Variants in ANKRD30BL observed in about 807,000 individuals in gnomAD.
The protein encoded by ANKRD30BL is putative ankyrin repeat domain-containing protein 30B-like.
A neutral mutation model predicts 18.4 loss-of-function variants in ANKRD30BL; 20 were observed. The observed-to-expected ratio is 1.09, with a 90% CI of 0.77 to 1.58. The LOEUF (loss-of-function observed/expected upper bound fraction) is 1.58, where lower values mean the gene tolerates loss of function less well. Ranked by LOEUF, ANKRD30BL falls within the 40% of genes most tolerant of loss-of-function variation. ANKRD30BL has a pLI of 0.00. For synonymous variants in ANKRD30BL, 72 were observed against 100.9 expected (o/e 0.71, Z 1.72); for missense variants, 224 against 268.6 (o/e 0.83, Z 1.16).
chr2:132,198,608 C>T (rs2104745064), intron 1 of ANKRD30BL, among the ~76,000 whole-genome samples: 1 of 151,670 alleles, frequency 6.6e-6, no homozygotes, highest in Non-Finnish European at 1.5e-5. Flanking sequence ...CAGGCATGAG[C>T]CACAGCGCCC....
intron 3 of ANKRD30BL, chr2:132,155,362 G>A (rs1339489026): frequency 3.9e-5 from 6 of 152,100 alleles, no homozygotes; most frequent in Admixed American, 1.3e-4. Flanking sequence ...ATACAGTTTT[G>A]AAAGCTTCCC....
At chr2:132,207,597 G>A (rs1679235170) in intron 1 of ANKRD30BL, among the ~76,000 whole-genome samples, 1 of 152,028 alleles carries the variant, frequency 6.6e-6, no homozygotes, top group South Asian at 2.1e-4. Flanking sequence ...TGTACAAAGG[G>A]GTGACCCTTT....
At chr2:132,234,248 T>A (rs538650762) in intron 1 of ANKRD30BL, among the ~76,000 whole-genome samples, 24 of 151,982 alleles carry the variant, frequency 1.6e-4, no homozygotes, top group Admixed American at 5.2e-4. Context: ...AGATAAAAAA[T>A]TGACACCCTA....
intron 1 of ANKRD30BL, among the ~76,000 whole-genome samples, chr2:132,231,486 C>T (rs1230259250): frequency 7.9e-5 from 12 of 152,174 alleles, no homozygotes; most frequent in South Asian, 4.1e-4. Context: ...GTGCACGCAC[C>T]GTGCACGAGC....
intron 1 of ANKRD30BL, among the ~76,000 whole-genome samples, chr2:132,221,762 C>G (rs1323381242): frequency 9.5e-6 from 1 of 105,090 alleles, no homozygotes; most frequent in Admixed American, 8.6e-5. Flanking sequence ...CCGGCCGCCC[C>G]TACTGGGAAG....
chr2:132,176,040 A>G (rs1382994181), intron 1 of ANKRD30BL, among the ~76,000 whole-genome samples: 2 of 152,242 alleles, frequency 1.3e-5, no homozygotes, highest in East Asian at 1.9e-4. Context: ...CCTTTTCCCT[A>G]CAAAATAGAA....
upstream of ANKRD30BL, among the ~76,000 whole-genome samples, chr2:132,164,621 C>T (rs1210109211): frequency 2.0e-5 from 3 of 152,006 alleles, no homozygotes; most frequent in Non-Finnish European, 4.4e-5. Context: ...TATGTCAGCA[C>T]GTTTTTCCCA....
Position 132,230,290 on chromosome 2 carries a change from G to A in ANKRD30BL, n.441+27239C>T, listed in dbSNP as rs199677825. Among the ~76,000 whole-genome samples the A allele has an allele frequency of 4.6e-4, 70 of 152,024 alleles. No homozygotes were observed. The East Asian group carries it at 0.012, about 25-fold the overall frequency. On this transcript the variant is annotated intron_variant and non_coding_transcript_variant, in intron 1 of 4. Coordinates refer to the ANKRD30BL transcript ENST00000470729. Reference sequence around the variant, plus strand: ...ATGGACCGCTTTGAGGCCTTCATTGGAAACGGGAATATCTTCACATAAAAA... The same window carrying A: ...ATGGACCGCTTTGAGGCCTTCATTGAAAACGGGAATATCTTCACATAAAAA...
rs970569330 is a variant in ANKRD30BL, at chr2:132,228,745, G to A, written n.441+28784C>T. Among the ~76,000 whole-genome samples, 5 of 143,998 alleles carry A rather than the reference G, an allele frequency of 3.5e-5. 1 individual carries two copies. The highest frequency in any genetic ancestry group is 1.5e-4 in the African/African-American group (5 of 34,100). 94.5% of individuals were successfully genotyped at this position (143,998 alleles called of 152,430 possible). The stretch of plus-strand genomic sequence containing the variant: ...CAAGCGGACATTTGGAGTGCTTTGT[G>A]GCCTATGGTAGAAAAGGAAATATCT... On this transcript the variant is annotated intron_variant and non_coding_transcript_variant, in intron 1 of 4. Transcript: ENST00000470729.
chr2:132,206,674 C>T (rs933172827), intron 1 of ANKRD30BL, among the ~76,000 whole-genome samples: 69 of 152,284 alleles, frequency 4.5e-4, no homozygotes, highest in African/African-American at 1.5e-3. Flanking sequence ...GAGGCAAGCA[C>T]GGGCCAGGAT....
intron 1 of ANKRD30BL, among the ~76,000 whole-genome samples, chr2:132,178,814 G>C (rs1167381346): frequency 4.6e-5 from 7 of 152,188 alleles, no homozygotes; most frequent in African/African-American, 1.7e-4. Context: ...GAGAAATAAT[G>C]TGTTGGTACT....
At chr2:132,198,222 A>C (rs1161917980) in intron 1 of ANKRD30BL, among the ~76,000 whole-genome samples, 1 of 148,874 alleles carries the variant, frequency 6.7e-6, no homozygotes, top group Non-Finnish European at 1.5e-5. Flanking sequence ...GAAGATGCTT[A>C]GTCTCTCTTT....
At chr2:132,160,402 T>A (rs11892249) in intron 1 of ANKRD30BL, among the ~76,000 whole-genome samples, 2 of 80,002 alleles carry the variant, frequency 2.5e-5, no homozygotes, top group African/African-American at 1.8e-4. Flanking sequence ...CGCCTGGCCC[T>A]TTTTTTTTTT....
At chr2:132,250,148 T>G (rs1680613179) in intron 1 of ANKRD30BL, among the ~76,000 whole-genome samples, 1 of 152,206 alleles carries the variant, frequency 6.6e-6, no homozygotes, top group African/African-American at 2.4e-5. Context: ...ATCTAGTTTT[T>G]ATGTGAAGCT....
chr2:132,223,744 A>C (rs1573861920), intron 1 of ANKRD30BL, among the ~76,000 whole-genome samples: 1 of 152,144 alleles, frequency 6.6e-6, no homozygotes, highest in Admixed American at 6.6e-5. Context: ...CAGAATCTGC[A>C]AGTGGACATT....
At chr2:132,207,516 G>A (rs1192786788) in intron 1 of ANKRD30BL, among the ~76,000 whole-genome samples, 2 of 152,070 alleles carry the variant, frequency 1.3e-5, no homozygotes, top group South Asian at 2.1e-4. Flanking sequence ...GGTCCTCCAC[G>A]TGAATTGGTA....
chr2:132,218,084 C>T (rs1434108529), intron 1 of ANKRD30BL, among the ~76,000 whole-genome samples: 4 of 151,116 alleles, frequency 2.6e-5, no homozygotes, highest in South Asian at 2.1e-4. Context: ...GATATTTGGA[C>T]CAGTTTGAGG....
chr2:132,186,514 G>C (rs2104951753), intron 1 of ANKRD30BL, among the ~76,000 whole-genome samples: 1 of 152,254 alleles, frequency 6.6e-6, no homozygotes, highest in East Asian at 1.9e-4. Flanking sequence ...ACTGTGTGTG[G>C]CACATAAGGA....
chr2:132,221,363 G>A (rs939351702), intron 1 of ANKRD30BL, among the ~76,000 whole-genome samples: 2 of 143,942 alleles, frequency 1.4e-5, no homozygotes, highest in Non-Finnish European at 3.0e-5. Context: ...AGTCCGGGAG[G>A]GGGGAGGGGG....
Sources: gnomAD v4.1 joint callset for allele counts (sites outside exome capture counted in the v4.1 genomes callset) on GRCh38, gnomAD v4.1.1 for gene constraint, MANE v1.5 for transcripts, NCBI Gene and HGNC (gene_info 2026-07-23, HGNC 2026-07-21) for gene names.